Variants in CSMD3 observed in about 807,000 individuals in gnomAD.
The protein encoded by CSMD3 is CUB and sushi domain-containing protein 3.
A neutral mutation model predicts 435.2 loss-of-function variants in CSMD3; 177 were observed. The observed-to-expected ratio is 0.41, with a 90% CI of 0.36 to 0.46. The LOEUF (loss-of-function observed/expected upper bound fraction) is 0.46. Among genes scored for constraint, CSMD3 ranks in the 20% least tolerant of loss-of-function variants. The pLI, the probability that CSMD3 is intolerant of heterozygous loss-of-function variation, is 0.34. For missense variants in CSMD3, 4,265 were observed against 4,504.6 expected (o/e 0.95, Z 1.52); for synonymous variants, 1,656 against 1,520.5 (o/e 1.09, Z -2.07).
At chr8:113,214,901 T>C (rs991835927) in intron 3 of CSMD3, among the ~76,000 whole-genome samples, 3 of 151,870 alleles carry the variant, frequency 2.0e-5, no homozygotes, top group Non-Finnish European at 2.9e-5. Context: ...TGAGTACCCA[T>C]AGCTTTGAAA....
At chr8:112,816,457 A>C (rs1484220750) in intron 12 of CSMD3, among the ~76,000 whole-genome samples, 1 of 152,260 alleles carries the variant, frequency 6.6e-6, no homozygotes, top group East Asian at 1.9e-4. Context: ...CGTGGCAATT[A>C]ATCTCTAAAA....
chr8:112,638,578 T>G (rs2074729718), intron 21 of CSMD3, 118 bp downstream of exon 21: 2 of 699,508 alleles, frequency 2.9e-6, no homozygotes, highest in Non-Finnish European at 5.0e-6. Context: ...TTCTTCTTTT[T>G]AAAATTTTTC....
chr8:112,600,022 T>A (rs7018150), intron 22 of CSMD3, among the ~76,000 whole-genome samples: 73,654 of 150,394 alleles, frequency 0.49, 18,689 homozygotes, highest in African/African-American at 0.61. Flanking sequence ...AGTATATATA[T>A]AAAAAAAAGG....
chr8:112,635,910 G>A (rs1315794315), intron 22 of CSMD3, among the ~76,000 whole-genome samples: 5 of 152,036 alleles, frequency 3.3e-5, no homozygotes, highest in African/African-American at 1.2e-4. Context: ...TGATTTTGTA[G>A]CATATTATAA....
At chr8:113,254,039 T>C (rs1436454582) in intron 3 of CSMD3, among the ~76,000 whole-genome samples, 1 of 152,124 alleles carries the variant, frequency 6.6e-6, no homozygotes, top group South Asian at 2.1e-4. Flanking sequence ...TATTTACCAA[T>C]CTAGACCTGC....
rs1310909086 is a variant in CSMD3, at chr8:113,066,040, A to AT, written c.917+32715dup. Among the ~76,000 whole-genome samples, 1,251 of 145,406 alleles carry AT rather than the reference A, an allele frequency of 8.6e-3. 20 individuals carry two copies. The highest frequency in any genetic ancestry group is 0.028 in the African/African-American group (1,132 of 39,912). ...CAAATGGCAATGCATGCTCTGCTCA[A>AT]TTTTTTTTTTTCTGAGAGGTGTGCA... On this transcript the variant is annotated intron_variant, in intron 5 of 70. Coordinates refer to ENST00000297405, the MANE Select transcript of CSMD3 (RefSeq NM_198123.2).
At chr8:113,052,512 C>T (rs2088142648) in intron 5 of CSMD3, among the ~76,000 whole-genome samples, 1 of 152,166 alleles carries the variant, frequency 6.6e-6, no homozygotes. Flanking sequence ...GTGGCTCATG[C>T]CAGGTGTCAT....
chr8:113,124,896 A>G (rs2091083971), intron 4 of CSMD3, among the ~76,000 whole-genome samples: 1 of 151,992 alleles, frequency 6.6e-6, no homozygotes, highest in Non-Finnish European at 1.5e-5. Flanking sequence ...AGTCTATTCT[A>G]TAAGTATACC....
chr8:112,230,328 G>A (rs780894565), intron 69 of CSMD3, among the ~76,000 whole-genome samples: 4 of 152,034 alleles, frequency 2.6e-5, no homozygotes, highest in Non-Finnish European at 1.5e-5. Context: ...GATGTAAATG[G>A]CATCTTATTA....
intron 10 of CSMD3, among the ~76,000 whole-genome samples, chr8:112,870,143 T>C (rs766261179): frequency 7.2e-5 from 11 of 152,184 alleles, no homozygotes; most frequent in Middle Eastern, 6.8e-3. Flanking sequence ...GCGGCAAACA[T>C]TTACATGGGT....
chr8:112,639,721 T>C (rs1331865184), intron 20 of CSMD3, among the ~76,000 whole-genome samples: 1 of 152,114 alleles, frequency 6.6e-6, no homozygotes, highest in African/African-American at 2.4e-5. Flanking sequence ...CAGCATTAGG[T>C]ATGTGAAATT....
At chr8:112,883,379 T>A (rs888061460) in intron 10 of CSMD3, among the ~76,000 whole-genome samples, 2 of 151,916 alleles carry the variant, frequency 1.3e-5, no homozygotes, top group Non-Finnish European at 2.9e-5. Context: ...TTCAATGGAG[T>A]AAGAGAGCTA....
intron 6 of CSMD3, among the ~76,000 whole-genome samples, chr8:112,991,985 G>A (rs1439040786): frequency 6.6e-6 from 1 of 151,740 alleles, no homozygotes; most frequent in Non-Finnish European, 1.5e-5. Context: ...TTAGTGAGCA[G>A]GTGAGGTCCT....
intron 2 of CSMD3, among the ~76,000 whole-genome samples, chr8:113,295,928 A>C (rs928875685): frequency 6.6e-6 from 1 of 152,206 alleles, no homozygotes; most frequent in East Asian, 1.9e-4. Flanking sequence ...CTGGATTAAG[A>C]AAATGTGGCA....
chr8:113,234,615 T>A (rs573734488), intron 3 of CSMD3, among the ~76,000 whole-genome samples: 1 of 152,212 alleles, frequency 6.6e-6, no homozygotes, highest in African/African-American at 2.4e-5. Context: ...CCTTGGCCAA[T>A]AATTTTCAGG....
chr8:112,848,239 C>T (rs2080384017), intron 11 of CSMD3, among the ~76,000 whole-genome samples: 1 of 151,936 alleles, frequency 6.6e-6, no homozygotes. Flanking sequence ...TATGGTAGCT[C>T]TAGAGAAAAT....
intron 2 of CSMD3, among the ~76,000 whole-genome samples, chr8:113,293,757 G>A (rs1290488907): frequency 6.6e-6 from 1 of 151,816 alleles, no homozygotes. Context: ...CCTAGTCATA[G>A]TTTGAAACAG....
chr8:112,353,787 T>C (rs768132970), intron 38 of CSMD3, among the ~76,000 whole-genome samples: 31 of 152,052 alleles, frequency 2.0e-4, no homozygotes, highest in Non-Finnish European at 1.9e-4. Flanking sequence ...ACAAAGCTGA[T>C]ACCAATTTAC....
At chr8:113,087,731 T>G (rs1356409994) in intron 5 of CSMD3, among the ~76,000 whole-genome samples, 39 of 151,662 alleles carry the variant, frequency 2.6e-4, no homozygotes, top group African/African-American at 7.3e-4. Context: ...AGACTTAAAT[T>G]TTAGACCTAA....
Sources: allele counts gnomAD v4.1 joint callset (sites outside exome capture counted in the v4.1 genomes callset), GRCh38; gene constraint gnomAD v4.1.1; transcripts MANE v1.5; gene names NCBI Gene and HGNC (gene_info 2026-07-23, HGNC 2026-07-21).